PARD3B: variants seen among roughly 807,000 people sequenced by gnomAD.
PARD3B encodes partitioning defective 3 homolog B.
In PARD3B, 103 loss-of-function variants were observed where a neutral mutation model predicts 130.2. The observed-to-expected ratio is 0.79, with a 90% CI of 0.67 to 0.93. The LOEUF is 0.93. PARD3B is among the 40% of genes least tolerant of loss of function. The probability of loss-of-function intolerance (pLI) is 0.00; values close to 1 mark genes in which losing one functional copy is unlikely to be tolerated. For synonymous variants in PARD3B, 583 were observed against 553.2 expected (o/e 1.05, Z -0.76); for missense variants, 1,609 against 1,499.2 (o/e 1.07, Z -1.21).
intron 2 of PARD3B, among the ~76,000 whole-genome samples, chr2:204,751,286 A>G (rs1332343804): frequency 6.6e-6 from 1 of 152,224 alleles, no homozygotes; most frequent in Non-Finnish European, 1.5e-5. Flanking sequence ...TCTGAAGCAT[A>G]TAAAATTTGG....
At chr2:204,654,601 T>G in intron 1 of PARD3B, among the ~76,000 whole-genome samples, 1 of 152,134 alleles carries the variant, frequency 6.6e-6, no homozygotes, top group East Asian at 1.9e-4. Flanking sequence ...ATATAGTGGA[T>G]TTTAGTTTTT....
At position 205,004,425 on chromosome 2, in the gene PARD3B, A is replaced by G. The variant is rs1180003393; in HGVS notation, c.394+39102A>G. Among the ~76,000 whole-genome samples the G allele has an allele frequency of 3.9e-5, 6 of 152,310 alleles. No individual in the cohort carries two copies. In the East Asian group the frequency reaches 7.7e-4, roughly 20 times the overall value. On this transcript the variant is annotated intron_variant, in intron 3 of 22. Transcript: ENST00000406610. ...TTTGTTATAAAAATAAATGAAATCT[A>G]TATTTTATCATTTCAATTCAGGCCC...
At chr2:205,012,780 A>G (rs1575554665) in intron 3 of PARD3B, among the ~76,000 whole-genome samples, 1 of 152,210 alleles carries the variant, frequency 6.6e-6, no homozygotes, top group African/African-American at 2.4e-5. Context: ...TGTTGGAATC[A>G]TGGAAAGAAA....
In PARD3B at chr2:204,943,213, G is replaced by A. The variant is rs747376745; in HGVS notation, c.223-21939G>A. Among the ~76,000 whole-genome samples, 12 of 151,856 alleles carry A rather than the reference G, an allele frequency of 7.9e-5. No homozygotes were observed. The highest frequency in any genetic ancestry group is 1.3e-4 in the Non-Finnish European group (9 of 67,954). ...ATGTGTGTGTATATATATATAATATGTTAATTTTCATAGATCCAAACAGTT... is the reference window on the plus strand; with the variant it reads ...ATGTGTGTGTATATATATATAATATATTAATTTTCATAGATCCAAACAGTT... On this transcript the variant is annotated intron_variant, in intron 2 of 22. Coordinates refer to ENST00000406610, the MANE Select transcript of PARD3B (RefSeq NM_001302769.2). The surrounding 1 kb of genome is among the most constrained non-coding windows in gnomAD (Gnocchi z 4.2).
At chr2:204,612,832 C>T (rs1210709358) in intron 1 of PARD3B, among the ~76,000 whole-genome samples, 1 of 126,376 alleles carries the variant, frequency 7.9e-6, no homozygotes, top group African/African-American at 3.0e-5. Flanking sequence ...GTGAATATTT[C>T]TTGATTTTTA....
At chr2:204,590,319 A>T (rs1313926318) in intron 1 of PARD3B, among the ~76,000 whole-genome samples, 1 of 152,314 alleles carries the variant, frequency 6.6e-6, no homozygotes, top group African/African-American at 2.4e-5. Context: ...CCTGCCTCCT[A>T]ATACATCCCA....
chr2:204,702,009 C>G (rs1040860783), intron 2 of PARD3B, among the ~76,000 whole-genome samples: 5 of 152,144 alleles, frequency 3.3e-5, no homozygotes, highest in Admixed American at 6.6e-5. Flanking sequence ...GTTTTCTGTT[C>G]CTGAGTTAAT....
intron 22 of PARD3B, among the ~76,000 whole-genome samples, chr2:205,603,205 T>C (rs1187537589): frequency 6.6e-6 from 1 of 152,166 alleles, no homozygotes; most frequent in Non-Finnish European, 1.5e-5. Context: ...TCTAAGTTGG[T>C]TGTGCTGTGG....
chr2:205,268,193 A>C lies in PARD3B; in HGVS notation c.2185+22371A>C, dbSNP rs13424800. On this transcript the variant is annotated intron_variant, in intron 16 of 22. Transcript: ENST00000406610. The surrounding 1 kb of genome is among the most constrained non-coding windows in gnomAD (Gnocchi z 4.1). Reference sequence around the variant, plus strand: ...CAAGCCCAAGAAGGAACTGCTGATCATCAGGGATCTGATCACAAAATAAAT... The same window carrying C: ...CAAGCCCAAGAAGGAACTGCTGATCCTCAGGGATCTGATCACAAAATAAAT... Among the ~76,000 whole-genome samples, 5,264 of 152,346 alleles carry C rather than the reference A, an allele frequency of 0.035. 105 individuals are homozygous for C. The highest frequency in any genetic ancestry group is 0.061 in the Middle Eastern group (18 of 294).
intron 1 of PARD3B, among the ~76,000 whole-genome samples, chr2:204,554,042 TA>T (rs1301322797): frequency 6.6e-6 from 1 of 151,940 alleles, no homozygotes. Context: ...TTTATGGAAA[TA>T]AAAAAATTTT....
At chr2:205,194,230 G>A (rs762786417) in intron 15 of PARD3B, among the ~76,000 whole-genome samples, 4 of 152,120 alleles carry the variant, frequency 2.6e-5, no homozygotes, top group African/African-American at 4.8e-5. Flanking sequence ...TCCACCAAAC[G>A]ATCTGATAAA....
At chr2:204,968,661 T>G (rs1452802464) in intron 3 of PARD3B, among the ~76,000 whole-genome samples, 1 of 152,242 alleles carries the variant, frequency 6.6e-6, no homozygotes, top group Non-Finnish European at 1.5e-5. Flanking sequence ...TATAGTGAAC[T>G]CATATGCACC....
At chr2:205,131,295 G>A (rs1277533433) in intron 10 of PARD3B, among the ~76,000 whole-genome samples, 1 of 152,172 alleles carries the variant, frequency 6.6e-6, no homozygotes, top group Non-Finnish European at 1.5e-5. Context: ...AAATAATTAT[G>A]CAAAATCCAA....
intron 19 of PARD3B, among the ~76,000 whole-genome samples, chr2:205,426,270 A>C (rs849255): frequency 0.8 from 120,913 of 150,638 alleles, 49,037 homozygotes; most frequent in East Asian, 0.95. Context: ...ACTACTACTA[A>C]TAATAATAAT....
chr2:204,693,291 C>G (rs898459358), intron 2 of PARD3B, among the ~76,000 whole-genome samples: 1 of 151,962 alleles, frequency 6.6e-6, no homozygotes, highest in African/African-American at 2.4e-5. Context: ...CTGTAATTGA[C>G]AAGAAATTGG....
intron 2 of PARD3B, among the ~76,000 whole-genome samples, chr2:204,838,351 G>A (rs760154784): frequency 1.6e-4 from 15 of 96,044 alleles, no homozygotes; most frequent in Non-Finnish European, 2.7e-4. Flanking sequence ...CCTGGCTAAT[G>A]TGTGTGTGTG....
At chr2:204,792,831 G>A (rs1037883378) in intron 2 of PARD3B, among the ~76,000 whole-genome samples, 5 of 151,964 alleles carry the variant, frequency 3.3e-5, no homozygotes, top group African/African-American at 4.8e-5. Flanking sequence ...TGTCTTCTGC[G>A]CAAATTGCTT....
chr2:205,199,484 C>CATAT (rs554982055), intron 15 of PARD3B, among the ~76,000 whole-genome samples: 2 of 151,716 alleles, frequency 1.3e-5, no homozygotes, highest in African/African-American at 2.4e-5. Context: ...CACACACACA[C>CATAT]ACATATATAT....
intron 20 of PARD3B, among the ~76,000 whole-genome samples, chr2:205,468,382 A>G (rs747387036): frequency 6.6e-6 from 1 of 152,150 alleles, no homozygotes; most frequent in Non-Finnish European, 1.5e-5. Flanking sequence ...CCTGGGCTAT[A>G]CTCTCCTTCT....
Sources: gnomAD v4.1 joint callset for allele counts (sites outside exome capture counted in the v4.1 genomes callset) on GRCh38, gnomAD v4.1.1 for gene constraint, Gnocchi (gnomAD v3.1) non-coding constraint, MANE v1.5 for transcripts, NCBI Gene and HGNC (gene_info 2026-07-23, HGNC 2026-07-21) for gene names.